SAMD12: variants seen among roughly 807,000 people sequenced by gnomAD.
The protein encoded by SAMD12 is sterile alpha motif domain containing 12.
In SAMD12, 9 loss-of-function variants were observed where a neutral mutation model predicts 15.0. That is an observed-to-expected ratio of 0.60 (90% confidence interval 0.36 to 1.05). The LOEUF (loss-of-function observed/expected upper bound fraction) is 1.05. Among genes scored for constraint, SAMD12 ranks in the 50% least tolerant of loss-of-function variants. The pLI is 0.01. For synonymous variants in SAMD12, 86 were observed against 90.1 expected, an observed-to-expected ratio of 0.96 and a Z score of 0.25; for missense variants, 230 against 234.2, an observed-to-expected ratio of 0.98 and a Z score of 0.12.
chr8:118,192,828 T>TA, exon 5 of SAMD12: 1 of 152,326 alleles, frequency 6.6e-6, no homozygotes. Context: ...TTACATTACA[T>TA]TAAGTATATG....
rs142678876 is a variant in SAMD12 at position 118,587,051 on chromosome 8, C to T, written c.14-6158G>A. 3.5e-3 allele frequency among the ~76,000 whole-genome samples: 529 copies of T among 152,276 alleles called. 2 individuals are homozygous for T. The highest frequency in any genetic ancestry group is 0.012 in the African/African-American group (518 of 41,566). On this transcript the variant is annotated intron_variant, in intron 1 of 3. Coordinates refer to ENST00000314727, the MANE Select transcript of SAMD12 (RefSeq NM_207506.3). ...AGAGACTATCTTATTCATCTTTGCACCTGCAAAGCCTAAACAGTTGTACAT... is the reference window on the plus strand; with the variant it reads ...AGAGACTATCTTATTCATCTTTGCATCTGCAAAGCCTAAACAGTTGTACAT...
intron 4 of SAMD12, among the ~76,000 whole-genome samples, chr8:118,265,329 T>G (rs1363754094): frequency 6.6e-6 from 1 of 152,184 alleles, no homozygotes; most frequent in Non-Finnish European, 1.5e-5. Context: ...TGAGGCATAA[T>G]AAAGCATTAT....
intron 2 of SAMD12, among the ~76,000 whole-genome samples, chr8:118,515,280 G>A (rs998981187): frequency 1.4e-5 from 2 of 141,230 alleles, no homozygotes; most frequent in East Asian, 2.1e-4. Flanking sequence ...TGATCCGCCC[G>A]CCTCAGCCTC....
At chr8:118,571,260 G>A (rs539011158) in intron 2 of SAMD12, among the ~76,000 whole-genome samples, 2 of 152,266 alleles carry the variant, frequency 1.3e-5, no homozygotes, top group East Asian at 1.9e-4. Context: ...GAAGAAGGCA[G>A]GAAAATGTGG....
At chr8:118,303,832 A>G (rs1221634684) in intron 4 of SAMD12, among the ~76,000 whole-genome samples, 2 of 152,122 alleles carry the variant, frequency 1.3e-5, no homozygotes, top group African/African-American at 4.8e-5. Flanking sequence ...AGGCTGCTCT[A>G]CTCATCCCAT....
chr8:118,581,404 G>C (rs1827293533), intron 1 of SAMD12, among the ~76,000 whole-genome samples: 1 of 152,106 alleles, frequency 6.6e-6, no homozygotes, highest in Admixed American at 6.6e-5. Flanking sequence ...CTGGAAACAT[G>C]GATTTACATA....
chr8:118,428,435 G>A (rs374624380), intron 3 of SAMD12, among the ~76,000 whole-genome samples: 1 of 149,380 alleles, frequency 6.7e-6, no homozygotes, highest in African/African-American at 2.5e-5. Flanking sequence ...AAAGAAAAAA[G>A]AAAAGAAATA....
chr8:118,454,388 T>C (rs937363640), intron 2 of SAMD12, among the ~76,000 whole-genome samples: 1 of 152,218 alleles, frequency 6.6e-6, no homozygotes, highest in African/African-American at 2.4e-5. Flanking sequence ...TTTTTATTCT[T>C]GATATTCTGA....
chr8:118,197,882 A>G (rs1819611556), intron 4 of SAMD12: 1 of 755,020 alleles, frequency 1.3e-6, no homozygotes, highest in Admixed American at 2.2e-5. Flanking sequence ...CAATGCCAGG[A>G]TGGATTTACA....
intron 4 of SAMD12, among the ~76,000 whole-genome samples, chr8:118,274,260 ATTCT>A (rs1813426045): frequency 6.6e-6 from 1 of 151,962 alleles, no homozygotes; most frequent in Admixed American, 6.5e-5. Context: ...ATTTGGTCAA[ATTCT>A]TATTTGACCA....
chr8:118,290,155 C>A (rs1814284951), intron 4 of SAMD12, among the ~76,000 whole-genome samples: 1 of 152,054 alleles, frequency 6.6e-6, no homozygotes, highest in South Asian at 2.1e-4. Context: ...ATAAAAAATG[C>A]CCTATTTGAT....
chr8:118,446,147 G>A (rs956531206), intron 2 of SAMD12, among the ~76,000 whole-genome samples: 2 of 151,066 alleles, frequency 1.3e-5, no homozygotes, highest in Non-Finnish European at 2.9e-5. Context: ...TTAAGAGTGC[G>A]ACAAAGTCCT....
At chr8:118,374,489 A>T (rs1227724803), downstream of SAMD12, among the ~76,000 whole-genome samples, 2 of 152,128 alleles carry the variant, frequency 1.3e-5, no homozygotes, top group African/African-American at 4.8e-5. Flanking sequence ...TCTTTTGGAT[A>T]TGTACCCAGA....
intron 1 of SAMD12, among the ~76,000 whole-genome samples, chr8:118,589,500 A>C (rs1586840196): frequency 6.6e-6 from 1 of 152,230 alleles, no homozygotes; most frequent in East Asian, 1.9e-4. Flanking sequence ...ACAACCTAAA[A>C]CAATGGAAAT....
intron 2 of SAMD12, among the ~76,000 whole-genome samples, chr8:118,484,253 A>G (rs1158001465): frequency 6.6e-6 from 1 of 152,158 alleles, no homozygotes. Flanking sequence ...ATTCTATTAC[A>G]AGTAAATTAC....
chr8:118,356,565 T>C (rs1409288660), intron 4 of SAMD12, among the ~76,000 whole-genome samples: 1 of 152,094 alleles, frequency 6.6e-6, no homozygotes, highest in African/African-American at 2.4e-5. Context: ...AAACAAAACC[T>C]AATGTGAGTG....
chr8:118,472,240 T>C (rs1823820383), intron 2 of SAMD12, among the ~76,000 whole-genome samples: 1 of 151,430 alleles, frequency 6.6e-6, no homozygotes, highest in Non-Finnish European at 1.5e-5. Context: ...TGAGCCGAGA[T>C]TGTGCCACTG....
chr8:118,510,091 A>G (rs1484939527), intron 2 of SAMD12, among the ~76,000 whole-genome samples: 1 of 152,130 alleles, frequency 6.6e-6, no homozygotes, highest in Non-Finnish European at 1.5e-5. Context: ...TTTAATGGAA[A>G]AGCCACTTTT....
intron 4 of SAMD12, among the ~76,000 whole-genome samples, chr8:118,293,749 C>T (rs368762883): frequency 2.0e-5 from 3 of 152,222 alleles, no homozygotes; most frequent in Admixed American, 6.5e-5. Context: ...CCCCTACTCT[C>T]GGGGCTCAAA....
Sources: gnomAD v4.1 joint callset for allele counts (sites outside exome capture counted in the v4.1 genomes callset) on GRCh38, gnomAD v4.1.1 for gene constraint, MANE v1.5 for transcripts, NCBI Gene and HGNC (gene_info 2026-07-23, HGNC 2026-07-21) for gene names.